The following RAB10 variants were observed in gnomAD, a reference collection of about 807,000 sequenced individuals.
RAB10 encodes the protein RAB10, member RAS oncogene family.
RAB10 carries 5 observed loss-of-function variants against 25.7 expected under a neutral mutation model. That is an observed-to-expected ratio of 0.19 (90% CI 0.10 to 0.41). RAB10 has a LOEUF of 0.41. Among genes scored for constraint, RAB10 ranks in the 10% least tolerant of loss-of-function variants. The pLI is 1.00. For missense variants in RAB10, 103 were observed against 245.8 expected, an observed-to-expected ratio of 0.42 and a Z score of 3.89; for synonymous variants, 89 against 86.4, an observed-to-expected ratio of 1.03 and a Z score of -0.16.
At position 26,124,389 on chromosome 2, in the gene RAB10, C is replaced by CTTTTTTTTTTTTTTTTTTTTTTTTTTTTT. The variant is rs10669615; in HGVS notation, c.328-2727_328-2726insTTTTTTTTTTTTTTTTTTTTTTTTTTTTT. Among the ~76,000 whole-genome samples, 10 of 19,678 alleles carry CTTTTTTTTTTTTTTTTTTTTTTTTTTTTT rather than the reference C, an allele frequency of 5.1e-4. 4 individuals carry two copies. Among genetic ancestry groups the CTTTTTTTTTTTTTTTTTTTTTTTTTTTTT allele is most frequent in the East Asian group, 2.4e-3 (1 of 414 alleles). 12.9% of individuals were successfully genotyped at this position (19,678 alleles called of 152,430 possible). On this transcript the variant is annotated intron_variant, in intron 3 of 5. Transcript: ENST00000264710. ...GTTGTTTTTCTTATTGTTGTTGTTG[C>CTTTTTTTTTTTTTTTTTTTTTTTTTTTTT]TTTTTTTTTTTTTTTTTTTTTTTTT...
intron 3 of RAB10, among the ~76,000 whole-genome samples, chr2:26,126,389 C>G (rs1667903625): frequency 6.6e-6 from 1 of 152,066 alleles, no homozygotes; most frequent in Non-Finnish European, 1.5e-5. Context: ...ATCAGCCTGG[C>G]CAACATGGCA....
intron 1 of RAB10, among the ~76,000 whole-genome samples, chr2:26,041,023 G>A (rs1473753656): frequency 6.6e-6 from 1 of 151,828 alleles, no homozygotes; most frequent in Admixed American, 6.6e-5. Flanking sequence ...TTGCACAAAG[G>A]CAGAAATCTT....
intron 1 of RAB10, among the ~76,000 whole-genome samples, chr2:26,061,092 C>CTTTTTTT (rs5829993): frequency 9.8e-4 from 82 of 83,578 alleles, no homozygotes; most frequent in South Asian, 1.7e-3. Flanking sequence ...TTATCTCTGT[C>CTTTTTTT]TTTTTTTTTT....
intron 4 of RAB10, 185 bp downstream of exon 4, chr2:26,127,418 G>A (rs1667927648): frequency 1.8e-6 from 1 of 554,314 alleles, no homozygotes; most frequent in South Asian, 2.6e-5. Flanking sequence ...ACATGTATGG[G>A]AGAATCAAAT....
At chr2:26,112,718 A>G (rs1310793348) in intron 3 of RAB10, among the ~76,000 whole-genome samples, 1 of 152,128 alleles carries the variant, frequency 6.6e-6, no homozygotes, top group Non-Finnish European at 1.5e-5. Context: ...AGCTATTATC[A>G]TACCACTGTG....
intron 3 of RAB10, among the ~76,000 whole-genome samples, chr2:26,125,434 CTTTT>C (rs780945835): frequency 3.4e-5 from 4 of 118,890 alleles, no homozygotes; most frequent in East Asian, 2.4e-4. Context: ...CCTTTGCTTG[CTTTT>C]TTTTTTTTTT....
chr2:26,106,993 C>G (rs930885416), intron 2 of RAB10, among the ~76,000 whole-genome samples: 3 of 151,932 alleles, frequency 2.0e-5, no homozygotes, highest in Admixed American at 1.3e-4. Context: ...CGCCTGTAAC[C>G]CCAGCACTTT....
intron 1 of RAB10, among the ~76,000 whole-genome samples, chr2:26,060,393 C>T (rs1057290148): frequency 2.6e-5 from 4 of 151,964 alleles, no homozygotes; most frequent in African/African-American, 7.3e-5. Context: ...CCCAGGTTCA[C>T]GCCATTCTCC....
intron 5 of RAB10, among the ~76,000 whole-genome samples, chr2:26,134,346 G>T (rs1668066776): frequency 6.6e-6 from 1 of 152,034 alleles, no homozygotes; most frequent in Admixed American, 6.6e-5. Flanking sequence ...TTAGCTCCTG[G>T]CCTCAAGTGA....
rs79478548 is a variant in RAB10, at chr2:26,095,879, C to T, written c.128-2783C>T. ...GTGAGCCATGACTGACACTGCACTC[C>T]ATCCTGGGTGACAGAGCGACAGCCA... On this transcript the variant is annotated intron_variant, in intron 1 of 5. Transcript: ENST00000264710. Among the ~76,000 whole-genome samples, 887 of 152,302 alleles carry T rather than the reference C, an allele frequency of 5.8e-3. 21 individuals carry two copies. Among genetic ancestry groups the T allele is most frequent in the East Asian group, 0.019 (101 of 5,188 alleles).
At chr2:26,129,268 CAAAAAAAAAAAA>C (rs58007291) in intron 5 of RAB10, among the ~76,000 whole-genome samples, 4 of 133,566 alleles carry the variant, frequency 3.0e-5, no homozygotes, top group East Asian at 2.1e-4. Flanking sequence ...GACTCCATCT[CAAAAAAAAAAAA>C]AAAAAAAAAA....
chr2:26,050,639 C>G (rs1666110914), intron 1 of RAB10, among the ~76,000 whole-genome samples: 2 of 151,844 alleles, frequency 1.3e-5, no homozygotes, highest in South Asian at 4.2e-4. Context: ...CTTGTCTATT[C>G]CTTAATTTTT....
intron 1 of RAB10, among the ~76,000 whole-genome samples, chr2:26,054,603 T>G (rs1666210125): frequency 1.3e-5 from 2 of 152,216 alleles, no homozygotes; most frequent in Non-Finnish European, 2.9e-5. Flanking sequence ...AAATATAATA[T>G]CAGAATAGTT....
intron 1 of RAB10, among the ~76,000 whole-genome samples, chr2:26,038,697 T>C (rs1574522219): frequency 6.6e-6 from 1 of 151,098 alleles, no homozygotes; most frequent in African/African-American, 2.4e-5. Flanking sequence ...CTGAGGTGGG[T>C]GGATCACGAG....
chr2:26,098,123 T>C (rs1383370200), intron 1 of RAB10, among the ~76,000 whole-genome samples: 2 of 132,196 alleles, frequency 1.5e-5, no homozygotes, highest in African/African-American at 2.8e-5. Context: ...TTTTTTTTTT[T>C]TTTTTTTTTT....
At chr2:26,125,938 C>G (rs1667895102) in intron 3 of RAB10, among the ~76,000 whole-genome samples, 1 of 152,086 alleles carries the variant, frequency 6.6e-6, no homozygotes, top group East Asian at 1.9e-4. Context: ...TCAAAGAAAC[C>G]ATTGCCAAAT....
intron 1 of RAB10, among the ~76,000 whole-genome samples, chr2:26,067,279 T>C (rs1170212198): frequency 6.6e-6 from 1 of 152,192 alleles, no homozygotes; most frequent in African/African-American, 2.4e-5. Flanking sequence ...AATATATACT[T>C]GAGTGCATTG....
At position 26,094,542 on chromosome 2, in the gene RAB10, G is replaced by A. The variant is rs1255326543; in HGVS notation, c.128-4120G>A. On this transcript the variant is annotated intron_variant, in intron 1 of 5. Coordinates refer to ENST00000264710, the MANE Select transcript of RAB10 (RefSeq NM_016131.5). ...GCTGGGATTACAGGCGTGAGCCACC[G>A]CACCTGGCCGTATTTATTTATTATG... Among the ~76,000 whole-genome samples the A allele has an allele frequency of 2.6e-5, 4 of 151,212 alleles. No homozygotes were observed. In the East Asian group the frequency reaches 5.9e-4, roughly 22 times the overall value.
intron 1 of RAB10, among the ~76,000 whole-genome samples, chr2:26,064,243 A>G (rs1044673095): frequency 4.6e-5 from 7 of 152,240 alleles, no homozygotes; most frequent in African/African-American, 7.2e-5. Context: ...CCAAGGATGT[A>G]TAAGCACAGA....
Sources: gnomAD v4.1 joint callset for allele counts (sites outside exome capture counted in the v4.1 genomes callset) on GRCh38, gnomAD v4.1.1 for gene constraint, MANE v1.5 for transcripts, NCBI Gene and HGNC (gene_info 2026-07-23, HGNC 2026-07-21) for gene names.